PDE11A: variants seen among roughly 807,000 people sequenced by gnomAD.
PDE11A encodes dual 3',5'-cyclic-AMP and -GMP phosphodiesterase 11A.
PDE11A carries 100 observed loss-of-function variants against 100.5 expected under a neutral mutation model. The ratio of observed to expected loss-of-function variants is 1.00; its 90% confidence interval spans 0.85 to 1.18. The LOEUF is 1.18. Among genes scored for constraint, PDE11A ranks in the 50% most tolerant of loss-of-function variants. The probability of loss-of-function intolerance (pLI) is 0.00; values close to 1 mark genes in which losing one functional copy is unlikely to be tolerated. For synonymous variants in PDE11A, 381 were observed against 420.8 expected (o/e 0.91, Z 1.16); for missense variants, 1,141 against 1,152.6 (o/e 0.99, Z 0.15).
At chr2:177,726,392 T>A (rs755153703) in intron 12 of PDE11A, among the ~76,000 whole-genome samples, 3 of 152,142 alleles carry the variant, frequency 2.0e-5, no homozygotes, top group African/African-American at 7.2e-5. Flanking sequence ...GGTGTGACCC[T>A]CAATAAATGG....
intron 5 of PDE11A, among the ~76,000 whole-genome samples, chr2:177,852,366 T>G (rs1032120614): frequency 2.1e-5 from 3 of 142,160 alleles, no homozygotes; most frequent in Non-Finnish European, 4.7e-5. Context: ...CAGATTTCTT[T>G]TTAATGCTTT....
At chr2:178,096,179 T>G (rs978949957) in intron 2 of PDE11A, among the ~76,000 whole-genome samples, 1 of 146,934 alleles carries the variant, frequency 6.8e-6, no homozygotes. Context: ...CTTTTTTTTT[T>G]TTGAGATGGA....
intron 2 of PDE11A, among the ~76,000 whole-genome samples, chr2:177,909,614 T>C (rs953521418): frequency 6.6e-6 from 1 of 152,200 alleles, no homozygotes. Context: ...GTTGGCCCTA[T>C]TGGACATTAC....
intron 2 of PDE11A, among the ~76,000 whole-genome samples, chr2:178,089,901 C>T (rs1213758796): frequency 2.6e-5 from 4 of 152,134 alleles, no homozygotes; most frequent in African/African-American, 4.8e-5. Context: ...CCTTTCCCCT[C>T]GAAGCTCCAC....
chr2:177,730,745 A>T (rs1434525983), intron 10 of PDE11A, among the ~76,000 whole-genome samples: 2 of 151,982 alleles, frequency 1.3e-5, no homozygotes, highest in African/African-American at 4.8e-5. Context: ...TGACAATTCT[A>T]TTTGTCATTT....
intron 2 of PDE11A, among the ~76,000 whole-genome samples, chr2:177,913,007 T>C (rs1033129423): frequency 6.6e-6 from 1 of 152,170 alleles, no homozygotes; most frequent in African/African-American, 2.4e-5. Context: ...ATCTTATTGG[T>C]AGTGGGTTCT....
At chr2:178,014,143 G>T (rs965009842) in intron 2 of PDE11A, among the ~76,000 whole-genome samples, 159 bp downstream of exon 2, 56 of 152,056 alleles carry the variant, frequency 3.7e-4, no homozygotes, top group African/African-American at 1.3e-3. Flanking sequence ...ATGAAATATC[G>T]AAAAACTCCC....
intron 19 of PDE11A, among the ~76,000 whole-genome samples, chr2:177,640,096 T>C (rs2080117323): frequency 6.6e-6 from 1 of 152,226 alleles, no homozygotes; most frequent in South Asian, 2.1e-4. Context: ...CATCACTTAG[T>C]ATTTTTTGCC....
At chr2:177,861,258 T>C (rs1017955458) in intron 5 of PDE11A, among the ~76,000 whole-genome samples, 1 of 151,772 alleles carries the variant, frequency 6.6e-6, no homozygotes, top group African/African-American at 2.4e-5. Context: ...AAGATCAATA[T>C]ACAAAACTCA....
At chr2:178,051,594 G>A (rs1020699799) in intron 1 of PDE11A, among the ~76,000 whole-genome samples, 2 of 152,168 alleles carry the variant, frequency 1.3e-5, no homozygotes, top group Admixed American at 1.3e-4. Context: ...CCATCAGTGT[G>A]CTATATTCAG....
At chr2:178,055,463 G>T (rs1030260884) in intron 1 of PDE11A, among the ~76,000 whole-genome samples, 1 of 151,944 alleles carries the variant, frequency 6.6e-6, no homozygotes, top group Admixed American at 6.6e-5. Flanking sequence ...AAACCTGCAC[G>T]TTGTGCACAT....
At chr2:177,833,165 C>T (rs2083338381) in intron 6 of PDE11A, among the ~76,000 whole-genome samples, 1 of 152,146 alleles carries the variant, frequency 6.6e-6, no homozygotes, top group Non-Finnish European at 1.5e-5. Flanking sequence ...CAGCCAGCCC[C>T]CACATTTAAT....
chr2:177,852,218 A>C (rs1037459895), intron 5 of PDE11A, among the ~76,000 whole-genome samples: 1 of 152,164 alleles, frequency 6.6e-6, no homozygotes, highest in Non-Finnish European at 1.5e-5. Context: ...TGGGACTGAA[A>C]GTTTCAACAT....
At chr2:177,998,381 T>C (rs2086103177) in intron 2 of PDE11A, 2 of 839,134 alleles carry the variant, frequency 2.4e-6, no homozygotes, top group African/African-American at 1.7e-5. Flanking sequence ...CTAAAGTCCC[T>C]TTTCCATCCA....
chr2:177,964,059 T>G (rs1011158017), intron 2 of PDE11A, among the ~76,000 whole-genome samples: 2 of 152,226 alleles, frequency 1.3e-5, no homozygotes, highest in Admixed American at 6.5e-5. Context: ...CTGTATATTA[T>G]TTAATTTCTA....
chr2:177,957,300 A>T (rs1346156856), intron 2 of PDE11A, among the ~76,000 whole-genome samples: 1 of 152,156 alleles, frequency 6.6e-6, no homozygotes. Flanking sequence ...TTAATTCTTT[A>T]TTTTCAATGG....
At chr2:177,905,424 ATAAAG>A (rs1425572272) in intron 2 of PDE11A, among the ~76,000 whole-genome samples, 2 of 152,260 alleles carry the variant, frequency 1.3e-5, no homozygotes, top group Non-Finnish European at 2.9e-5. Flanking sequence ...CTATGAAGAC[ATAAAG>A]TGAAGCAACA....
chr2:177,693,836 A>G (rs1007704718), intron 15 of PDE11A, among the ~76,000 whole-genome samples: 6 of 152,248 alleles, frequency 3.9e-5, no homozygotes, highest in Non-Finnish European at 8.8e-5. Context: ...TCAGCAAAAA[A>G]GGAGATGAAT....
At chr2:178,044,631 C>T (rs1430059994) in intron 1 of PDE11A, among the ~76,000 whole-genome samples, 1 of 152,022 alleles carries the variant, frequency 6.6e-6, no homozygotes, top group South Asian at 2.1e-4. Flanking sequence ...GCCCAGCCCC[C>T]AAACTGAGCC....
Sources: allele counts gnomAD v4.1 joint callset (sites outside exome capture counted in the v4.1 genomes callset), GRCh38; gene constraint gnomAD v4.1.1; transcripts MANE v1.5; gene names NCBI Gene and HGNC (gene_info 2026-07-23, HGNC 2026-07-21).